The following INPP4A variants were observed in gnomAD, a reference collection of about 807,000 sequenced individuals.
INPP4A encodes inositol polyphosphate-4-phosphatase type I A, also known as inositol polyphosphate-4-phosphatase, type I, 107kD.
A neutral mutation model predicts 119.8 loss-of-function variants in INPP4A; 33 were observed. The observed-to-expected ratio is 0.28, with a 90% CI of 0.21 to 0.37. The LOEUF is 0.37. Among genes scored for constraint, INPP4A ranks in the 10% least tolerant of loss-of-function variants. INPP4A has a pLI of 1.00. For missense variants in INPP4A, 956 were observed against 1,289.9 expected (o/e 0.74, Z 3.97); for synonymous variants, 496 against 500.7 (o/e 0.99, Z 0.12).
intron 1 of INPP4A, among the ~76,000 whole-genome samples, chr2:98,461,773 C>G (rs951572225): frequency 6.6e-6 from 1 of 152,206 alleles, no homozygotes; most frequent in Non-Finnish European, 1.5e-5. Context: ...GCTGCGTGCT[C>G]GCTGTGTGCC....
In INPP4A at chr2:98,588,814, G is replaced by A. The variant is rs192319536; in HGVS notation, c.*1206G>A. ...GGAGTTTATATGTTTTATTGATTCT[G>A]TTTACGATGTTTACATGTTCTTGAA... On this transcript the variant is annotated 3_prime_UTR_variant, in exon 25 of 25. Transcript: ENST00000409851. 2 of 219,712 alleles carry A rather than the reference G, an allele frequency of 9.1e-6. No individual in the cohort carries two copies. Among genetic ancestry groups the A allele is most frequent in the African/African-American group, 4.5e-5 (2 of 44,676 alleles). The allele number at this position is 219,712 out of a possible 1,614,324, so 13.6% of individuals were successfully genotyped here. A position where few individuals can be genotyped will look rare whatever the true frequency, so the allele number is the denominator to read the frequency against.
intron 23 of INPP4A, among the ~76,000 whole-genome samples, chr2:98,574,408 T>C (rs959807596): frequency 2.6e-5 from 4 of 151,634 alleles, no homozygotes; most frequent in African/African-American, 9.7e-5. Flanking sequence ...GAGGCCGAGG[T>C]AGGTGAGTCA....
At chr2:98,509,165 C>T (rs1435229520) in intron 1 of INPP4A, among the ~76,000 whole-genome samples, 1 of 152,168 alleles carries the variant, frequency 6.6e-6, no homozygotes, top group Non-Finnish European at 1.5e-5. Flanking sequence ...CTTTGTATCC[C>T]TAAGGCCTGC....
At chr2:98,517,130 A>G (rs1308159136) in intron 1 of INPP4A, among the ~76,000 whole-genome samples, 1 of 151,968 alleles carries the variant, frequency 6.6e-6, no homozygotes, top group African/African-American at 2.4e-5. Flanking sequence ...ACCACTCTCC[A>G]TACTCTGGAT....
At chr2:98,583,547 C>T (rs561782238) in intron 24 of INPP4A, among the ~76,000 whole-genome samples, 5 of 152,208 alleles carry the variant, frequency 3.3e-5, no homozygotes, top group African/African-American at 9.6e-5. Flanking sequence ...CTGTGCAGGA[C>T]GGTCAGCAGC....
intron 4 of INPP4A, 89 bp downstream of exon 4, chr2:98,520,820 T>G: frequency 9.9e-6 from 7 of 709,956 alleles, no homozygotes; most frequent in Non-Finnish European, 1.4e-5. Flanking sequence ...TGGGCTTGTC[T>G]CAGAGAGCTT....
At chr2:98,574,264 G>A in intron 23 of INPP4A, among the ~76,000 whole-genome samples, 1 of 152,050 alleles carries the variant, frequency 6.6e-6, no homozygotes, top group Non-Finnish European at 1.5e-5. Flanking sequence ...AAACCCCCCT[G>A]GCCAGGCTGT....
chr2:98,581,863 G>T, intron 24 of INPP4A: 1 of 1,443,048 alleles, frequency 6.9e-7, no homozygotes, highest in African/African-American at 1.5e-5. Context: ...ACCGTGGTCT[G>T]CCAAGAAATA....
intron 23 of INPP4A, among the ~76,000 whole-genome samples, chr2:98,574,786 T>C (rs2106462082): frequency 6.6e-6 from 1 of 152,294 alleles, no homozygotes; most frequent in South Asian, 2.1e-4. Context: ...ATATCTTGTT[T>C]GGGAACTGTG....
chr2:98,528,939 G>A lies in INPP4A; in HGVS notation c.152-4438G>A, dbSNP rs370616306. On this transcript the variant is annotated intron_variant, in intron 4 of 24. Coordinates refer to ENST00000409851, the MANE Select transcript of INPP4A (RefSeq NM_001134225.2). ...AAAATACAAAAAAAATTAGCTGGGCGTGGTGGCAGGCGCCTGTAGTCCCAG... is the reference window on the plus strand; with the variant it reads ...AAAATACAAAAAAAATTAGCTGGGCATGGTGGCAGGCGCCTGTAGTCCCAG... 8.5e-5 allele frequency among the ~76,000 whole-genome samples: 13 copies of A among 152,132 alleles called. No homozygotes were observed. The East Asian group carries it at 9.7e-4, about 11-fold the overall frequency.
At chr2:98,525,196 C>T (rs568971460) in intron 4 of INPP4A, among the ~76,000 whole-genome samples, 9 of 152,188 alleles carry the variant, frequency 5.9e-5, no homozygotes, top group Non-Finnish European at 1.3e-4. Context: ...CTCATAGAGG[C>T]CACTCACATT....
rs556838427 is a variant in INPP4A at position 98,572,766 on chromosome 2, G to A, written c.2519-49G>A. 16 of 1,356,174 alleles carry A rather than the reference G, an allele frequency of 1.2e-5. No individual in the cohort carries two copies. The East Asian group carries it at 3.8e-4, about 32-fold the overall frequency. 84.0% of individuals were successfully genotyped at this position (1,356,174 alleles called of 1,614,324 possible). A position where few individuals can be genotyped will look rare whatever the true frequency, so the allele number is the denominator to read the frequency against. On this transcript the variant is annotated intron_variant, in intron 22 of 24. Transcript: ENST00000409851. The stretch of plus-strand genomic sequence containing the variant: ...CTTGGGTGGGCTCCCTCTGCCGGGG[G>A]AGTTCCTGGGTGCGTCACCCACTCC...
intron 24 of INPP4A, 106 bp from the exon 25 acceptor site, chr2:98,587,370 C>A: frequency 8.5e-7 from 1 of 1,182,162 alleles, no homozygotes; most frequent in Non-Finnish European, 1.1e-6. Context: ...TTAAATTAAT[C>A]TTTTTTTTAA....
At chr2:98,453,449 A>C (rs934746886) in intron 1 of INPP4A, among the ~76,000 whole-genome samples, 2 of 152,204 alleles carry the variant, frequency 1.3e-5, no homozygotes, top group African/African-American at 4.8e-5. Context: ...TAAAACATCT[A>C]GTTATTCACA....
chr2:98,453,922 C>T (rs573993621), intron 1 of INPP4A, among the ~76,000 whole-genome samples: 145 of 152,102 alleles, frequency 9.5e-4, no homozygotes, highest in Non-Finnish European at 1.5e-3. Context: ...TCCTGGCCAA[C>T]GTAGTGAAAA....
At position 98,566,208 on chromosome 2, in the gene INPP4A, C is replaced by T; in HGVS notation, c.2420+39C>T. On this transcript the variant is annotated intron_variant, in intron 21 of 24. Coordinates refer to ENST00000409851, the MANE Select transcript of INPP4A (RefSeq NM_001134225.2). The surrounding 1 kb of genome is among the most constrained non-coding windows in gnomAD (Gnocchi z 4.2). ...CCTCGGGGCTGCGGGGGTGTGGTGG[C>T]CCTGGAGATGATGCAGAAAACGTAC... 1 of 1,535,578 alleles carries T rather than the reference C, an allele frequency of 6.5e-7. No homozygotes were observed. Among genetic ancestry groups the T allele is most frequent in the Non-Finnish European group, 8.8e-7 (1 of 1,138,178 alleles).
At chr2:98,532,250 T>C (rs905521033) in intron 4 of INPP4A, among the ~76,000 whole-genome samples, 1 of 152,172 alleles carries the variant, frequency 6.6e-6, no homozygotes, top group Non-Finnish European at 1.5e-5. Context: ...TAATCTCTCC[T>C]TTTTTCTCCC....
intron 1 of INPP4A, among the ~76,000 whole-genome samples, chr2:98,505,857 T>C (rs1683945973): frequency 6.6e-6 from 1 of 152,248 alleles, no homozygotes; most frequent in Non-Finnish European, 1.5e-5. Flanking sequence ...GCTTTTTCAC[T>C]TTGCTATTAG....
At chr2:98,525,256 G>T (rs1687974235) in intron 4 of INPP4A, among the ~76,000 whole-genome samples, 1 of 152,158 alleles carries the variant, frequency 6.6e-6, no homozygotes, top group South Asian at 2.1e-4. Context: ...GCTGGCAGTG[G>T]CAGGTCTAGT....
Sources: gnomAD v4.1 joint callset for allele counts (sites outside exome capture counted in the v4.1 genomes callset) on GRCh38, gnomAD v4.1.1 for gene constraint, Gnocchi (gnomAD v3.1) non-coding constraint, MANE v1.5 for transcripts, NCBI Gene and HGNC (gene_info 2026-07-23, HGNC 2026-07-21) for gene names.